Variants in DMXL2 observed in about 807,000 individuals in gnomAD.
The protein encoded by DMXL2 is dmX-like protein 2.
In DMXL2, 103 loss-of-function variants were observed where a neutral mutation model predicts 331.1. The observed-to-expected ratio is 0.31, with a 90% CI of 0.27 to 0.37. The LOEUF is 0.37. DMXL2 is among the 10% of genes least tolerant of loss of function. The probability of loss-of-function intolerance (pLI) is 1.00; values close to 1 mark genes in which losing one functional copy is unlikely to be tolerated. For missense variants in DMXL2, 3,171 were observed against 3,642.9 expected (o/e 0.87, Z 3.33); for synonymous variants, 1,281 against 1,252.1 (o/e 1.02, Z -0.49).
In DMXL2 at chr15:51,481,519, C is replaced by A; in HGVS notation, c.5587G>T (p.Ala1863Ser). ...TTCTCAGTTTTGAGACCTAAGGTTG[C>A]CAAAGTTCCTTCAGGGGAGGCAAGA... ...RNLASPEGTLATLGLKTEKNF... is the reference protein window; with the variant it reads ...RNLASPEGTLSTLGLKTEKNF... The change falls in exon 24 of 44, where the codon GCA becomes TCA. Residue 1863 changes from alanine (A) to serine (S), a missense_variant. Physicochemically the swap from Ala to Ser is moderately conservative, Grantham distance 99. Coordinates refer to ENST00000560891, the MANE Select transcript of DMXL2 (RefSeq NM_001378457.1). 6.2e-7 allele frequency: 1 copy of A among 1,613,302 alleles called. No individual in the cohort carries two copies. The highest frequency in any genetic ancestry group is 8.5e-7 in the Non-Finnish European group (1 of 1,179,756).
intron 7 of DMXL2, 109 bp from the exon 8 acceptor site, chr15:51,545,875 G>A: frequency 1.2e-6 from 1 of 802,954 alleles, no homozygotes; most frequent in Non-Finnish European, 1.9e-6. Context: ...AAACACTATG[G>A]AAAAAAGGAA....
At chr15:51,471,532 A>G in intron 28 of DMXL2, 131 bp from the exon 29 acceptor site, 1 of 780,168 alleles carries the variant, frequency 1.3e-6, no homozygotes, top group Non-Finnish European at 1.9e-6. Flanking sequence ...CTGTGCTTCT[A>G]AACTTTTCTA....
chr15:51,499,242 T>C lies in DMXL2; in HGVS notation c.3982A>G (p.Ile1328Val), dbSNP rs761335663. Residue 1328 changes from isoleucine to valine, a missense_variant, in exon 18 of 44, where the codon ATT becomes GTT. Physicochemically the swap from Ile to Val is conservative, Grantham distance 29 (BLOSUM62 3). This residue lies in a region of DMXL2 where 1,674 missense variants were observed against 1,780.2 expected (regional missense o/e 0.94). Coordinates refer to ENST00000560891, the MANE Select transcript of DMXL2 (RefSeq NM_001378457.1). Reference sequence around the variant, plus strand: ...GCCTCAAATAAGCCACCATCTTGAATTACAGTTGGTGAACAAAAAACATCA... The same window carrying C: ...GCCTCAAATAAGCCACCATCTTGAACTACAGTTGGTGAACAAAAAACATCA... ...SDDVFCSPTV[I>V]QDGGLFEAAH... 2.5e-5 allele frequency: 40 copies of C among 1,613,990 alleles called. No individual in the cohort carries two copies. The East Asian group carries it at 8.5e-4, about 34-fold the overall frequency.
intron 16 of DMXL2, among the ~76,000 whole-genome samples, chr15:51,503,761 T>A (rs371333212): frequency 6.6e-6 from 1 of 152,104 alleles, no homozygotes; most frequent in Admixed American, 6.6e-5. Context: ...GTAATGAATA[T>A]CCTAAATACC....
At chr15:51,453,682 G>A (rs1179714962) in intron 40 of DMXL2, 41 bp from the exon 41 acceptor site, 2 of 1,490,862 alleles carry the variant, frequency 1.3e-6, no homozygotes, top group South Asian at 2.3e-5. Context: ...TTTACCATTG[G>A]ATAAAATTTG....
chr15:51,494,361 C>A (rs2043017194), intron 19 of DMXL2, among the ~76,000 whole-genome samples: 1 of 152,136 alleles, frequency 6.6e-6, no homozygotes, highest in South Asian at 2.1e-4. Context: ...TTATGGGACT[C>A]TTTCCAAGAT....
At chr15:51,615,142 G>C (rs1436918662) in intron 1 of DMXL2, among the ~76,000 whole-genome samples, 1 of 152,156 alleles carries the variant, frequency 6.6e-6, no homozygotes, top group Non-Finnish European at 1.5e-5. Flanking sequence ...ATTTAGGGAA[G>C]ACTGGAAGAG....
At chr15:51,587,249 T>C (rs1386154801) in intron 1 of DMXL2, among the ~76,000 whole-genome samples, 1 of 152,228 alleles carries the variant, frequency 6.6e-6, no homozygotes, top group Admixed American at 6.5e-5. Context: ...ACATGTGCCA[T>C]GTTGGTGTGC....
chr15:51,576,626 C>T (rs2051066773), intron 1 of DMXL2, among the ~76,000 whole-genome samples: 1 of 152,180 alleles, frequency 6.6e-6, no homozygotes, highest in African/African-American at 2.4e-5. Flanking sequence ...TTTTCCAACA[C>T]AATTCCACAT....
At chr15:51,587,637 A>G (rs1301997609) in intron 1 of DMXL2, among the ~76,000 whole-genome samples, 2 of 152,222 alleles carry the variant, frequency 1.3e-5, no homozygotes, top group African/African-American at 4.8e-5. Context: ...ATACGTGTGC[A>G]TGTGTCTTTA....
intron 6 of DMXL2, among the ~76,000 whole-genome samples, chr15:51,553,889 A>T (rs2049382408): frequency 6.6e-6 from 1 of 152,054 alleles, no homozygotes. Context: ...ATAGTAGACT[A>T]TTAGTAATTA....
intron 29 of DMXL2, among the ~76,000 whole-genome samples, chr15:51,469,828 A>G (rs990312108): frequency 6.6e-6 from 1 of 152,336 alleles, no homozygotes; most frequent in Non-Finnish European, 1.5e-5. Flanking sequence ...GCTAAATACA[A>G]CTAAGTGCAA....
Position 51,495,179 on chromosome 15 carries a change from G to A in DMXL2, c.4673-45C>T, listed in dbSNP as rs781389539. 1.0e-4 allele frequency: 132 copies of A among 1,262,576 alleles called. 1 individual carries two copies. In the East Asian group the frequency reaches 3.0e-3, roughly 29 times the overall value. 78.2% of individuals were successfully genotyped at this position (1,262,576 alleles called of 1,614,324 possible). On this transcript the variant is annotated intron_variant, in intron 18 of 43. Transcript: ENST00000560891. ...TATGTTTAAGGAAAAAAGAATGCAA[G>A]AGGCCACAAACTGATAAGCTATAAA...
At position 51,536,283 on chromosome 15, in the gene DMXL2, T is replaced by G. The variant is rs1178272470; in HGVS notation, c.2197A>C (p.Ile733Leu). The part of the protein sequence containing the change: ...SELILWRVDP[I>L]GPLSYTGGVS... Reference sequence around the variant, plus strand: ...CCTCCAGTGTATGACAAAGGTCCTATTGGGTCTACACGCCACAGAATAAGT... The same window carrying G: ...CCTCCAGTGTATGACAAAGGTCCTAGTGGGTCTACACGCCACAGAATAAGT... Residue 733 changes from isoleucine (I) to leucine (L), a missense_variant, in exon 12 of 44, where the codon ATA becomes CTA. Physicochemically the swap from Ile to Leu is conservative, Grantham distance 5. Transcript: ENST00000560891. The G allele has an allele frequency of 6.2e-7, 1 of 1,613,924 alleles. No individual in the cohort carries two copies. Among genetic ancestry groups the G allele is most frequent in the South Asian group, 1.1e-5 (1 of 91,086 alleles).
Position 51,450,128 on chromosome 15 carries a change from C to T in DMXL2, c.8967+1G>A, listed in dbSNP as rs2039009017. On this transcript the variant is annotated splice_donor_variant, in intron 43 of 43. Coordinates refer to ENST00000560891, the MANE Select transcript of DMXL2 (RefSeq NM_001378457.1). LOFTEE classifies it high-confidence loss of function. Reference sequence around the variant, plus strand: ...CATTCCAACCTCTTGTACTGACTCACCTTTATGTTACCTTCTGCTGAACCT... The same window carrying T: ...CATTCCAACCTCTTGTACTGACTCATCTTTATGTTACCTTCTGCTGAACCT... 1.2e-6 allele frequency: 2 copies of T among 1,613,494 alleles called. No individual in the cohort carries two copies. The highest frequency in any genetic ancestry group is 1.7e-5 in the Admixed American group (1 of 59,930).
intron 1 of DMXL2, among the ~76,000 whole-genome samples, chr15:51,576,766 C>G (rs2051077716): frequency 6.6e-6 from 1 of 152,166 alleles, no homozygotes; most frequent in African/African-American, 2.4e-5. Context: ...CATCCACCAT[C>G]CATCCCCAAC....
Position 51,488,068 on chromosome 15 carries a change from T to C in DMXL2, c.5103A>G (p.Glu1701=), listed in dbSNP as rs755164155. ...TCAAAGCAGCTTTTCGCCATCTATC[T>C]TCATTAAAGTTGTGGCTGAAAAATG... The part of the protein sequence containing the change: ...MTTFFSHNFN[E]DRWRKAALKN... Residue 1701 remains glutamate (E), a synonymous_variant, in exon 22 of 44, where the codon GAA becomes GAG. Transcript: ENST00000560891. 1.2e-6 allele frequency: 2 copies of C among 1,611,870 alleles called. No homozygotes were observed. The highest frequency in any genetic ancestry group is 1.1e-5 in the South Asian group (1 of 90,448).
chr15:51,547,278 C>A lies in DMXL2; in HGVS notation c.698G>T (p.Arg233Leu). 1 of 1,612,604 alleles carries A rather than the reference C, an allele frequency of 6.2e-7. No individual in the cohort carries two copies. The highest frequency in any genetic ancestry group is 8.5e-7 in the Non-Finnish European group (1 of 1,179,224). Residue 233 changes from arginine (R) to leucine (L), a missense_variant, in exon 7 of 44, where the codon CGA (arginine) becomes CTA (leucine). Transcript: ENST00000560891. ...GCGCCACGAAAAACCTGTCACAGCT[C>A]GGGGATGTGCCAAGTAAACAAAAGA... ...QFSFVYLAHP[R>L]AVTGFSWRKT...
chr15:51,480,567 T>C lies in DMXL2; in HGVS notation c.6539A>G (p.Lys2180Arg), dbSNP rs1351891642. 6 of 1,527,718 alleles carry C rather than the reference T, an allele frequency of 3.9e-6. No homozygotes were observed. The South Asian group carries it at 5.1e-5, about 13-fold the overall frequency. The allele number at this position is 1,527,718 out of a possible 1,614,324, so 94.6% of individuals were successfully genotyped here. A position where few individuals can be genotyped will look rare whatever the true frequency, so the allele number is the denominator to read the frequency against. ...CTGTTGTGATTCTTGTAGCAAAAAT[T>C]TGAGTTCCATCCTTACTGAAGCCAA... ...GGLASVRMEL[K>R]FLLQESQQET... Residue 2180 changes from lysine to arginine, a missense_variant, in exon 24 of 44, where the codon AAA becomes AGA. Physicochemically the swap from Lys to Arg is conservative, Grantham distance 26. Coordinates refer to ENST00000560891, the MANE Select transcript of DMXL2 (RefSeq NM_001378457.1).
Sources: gnomAD v4.1 joint callset for allele counts (sites outside exome capture counted in the v4.1 genomes callset) on GRCh38, gnomAD v4.1.1 for gene constraint, gnomAD v4.1.1 regional missense constraint, MANE v1.5 for transcripts, NCBI Gene and HGNC (gene_info 2026-07-23, HGNC 2026-07-21) for gene names.